LRTM1: variants seen among roughly 807,000 people sequenced by gnomAD.
The protein encoded by LRTM1 is leucine rich repeat transmembrane protein 1.
In LRTM1, 38 loss-of-function variants were observed where a neutral mutation model predicts 32.4. That is an observed-to-expected ratio of 1.17 (90% CI 0.91 to 1.54). LRTM1 has a LOEUF of 1.54. Among genes scored for constraint, LRTM1 ranks in the 40% most tolerant of loss-of-function variants. LRTM1 has a pLI of 0.00. For synonymous variants in LRTM1, 186 were observed against 169.9 expected, an observed-to-expected ratio of 1.09 and a Z score of -0.74; for missense variants, 466 against 415.4, an observed-to-expected ratio of 1.12 and a Z score of -1.06.
chr3:54,929,484 A>C (rs970572518), upstream of LRTM1, among the ~76,000 whole-genome samples: 5 of 152,102 alleles, frequency 3.3e-5, no homozygotes, highest in African/African-American at 1.2e-4. Flanking sequence ...GAAAACATCA[A>C]ATTTTGATTA....
At chr3:54,960,624 A>C (rs1285732605) in intron 1 of LRTM1, among the ~76,000 whole-genome samples, 2 of 152,176 alleles carry the variant, frequency 1.3e-5, no homozygotes, top group African/African-American at 4.8e-5. Context: ...CTTGCCTATA[A>C]TCTTCTAAGA....
At chr3:54,921,919 T>A (rs1053224057) in intron 2 of LRTM1, among the ~76,000 whole-genome samples, 1 of 148,974 alleles carries the variant, frequency 6.7e-6, no homozygotes, top group Non-Finnish European at 1.5e-5. Context: ...TATCTTTTTT[T>A]AAAAGAAGAT....
chr3:54,948,074 A>G (rs996486672), intron 1 of LRTM1, among the ~76,000 whole-genome samples: 1 of 152,160 alleles, frequency 6.6e-6, no homozygotes, highest in Non-Finnish European at 1.5e-5. Flanking sequence ...GGAGATGGTG[A>G]TGTCCAGGTG....
In LRTM1 at chr3:54,944,673, A is replaced by G. The variant is rs1430063617; in HGVS notation, c.-221-19458T>C. Among the ~76,000 whole-genome samples the G allele has an allele frequency of 3.3e-5, 5 of 152,234 alleles. No individual in the cohort carries two copies. The South Asian group carries it at 6.2e-4, about 19-fold the overall frequency. ...CCTGACCTCATGATCCGCCTGCCTC[A>G]GCCTCCCAAAGTGCTGGGATTACAG... On this transcript the variant is annotated intron_variant, in intron 1 of 2. Coordinates refer to the LRTM1 transcript ENST00000493075.
chr3:54,948,207 A>G (rs1701664575), intron 1 of LRTM1, among the ~76,000 whole-genome samples: 1 of 152,224 alleles, frequency 6.6e-6, no homozygotes, highest in Non-Finnish European at 1.5e-5. Flanking sequence ...AGAGTGAGAT[A>G]GGAAACTTTT....
At chr3:54,922,607 C>T (rs1700886175) in intron 2 of LRTM1, among the ~76,000 whole-genome samples, 1 of 152,120 alleles carries the variant, frequency 6.6e-6, no homozygotes, top group African/African-American at 2.4e-5. Flanking sequence ...GTTGTATTCA[C>T]CCTAACCTCA....
chr3:54,966,488 C>G (rs1372338286), intron 1 of LRTM1, among the ~76,000 whole-genome samples: 1 of 152,202 alleles, frequency 6.6e-6, no homozygotes, highest in African/African-American at 2.4e-5. Flanking sequence ...AGCCATCCCC[C>G]ACCTTGGCTG....
In LRTM1 at chr3:54,962,079, A is replaced by G. The variant is rs573894439; in HGVS notation, c.-222+4849T>C. On this transcript the variant is annotated intron_variant, in intron 1 of 2. Coordinates refer to the LRTM1 transcript ENST00000493075. ...CATTAATCCATTAACCCATTAATCT[A>G]TTAATAGATTAATCCATTCATGAGG... Among the ~76,000 whole-genome samples, 51 of 152,266 alleles carry G rather than the reference A, an allele frequency of 3.3e-4. 2 individuals are homozygous for G. In the Middle Eastern group the frequency reaches 0.017, roughly 51 times the overall value.
chr3:54,924,592 G>A (rs1559631496), intron 2 of LRTM1, 27 bp downstream of exon 2: 1 of 1,535,696 alleles, frequency 6.5e-7, no homozygotes, highest in Non-Finnish European at 9.0e-7. Flanking sequence ...ACACACAGAT[G>A]GGGGGTTCCA....
rs1385548183 is a variant in LRTM1 at position 54,922,959 on chromosome 3, C to A, written c.604+1660G>T. Among the ~76,000 whole-genome samples, 8 of 152,182 alleles carry A rather than the reference C, an allele frequency of 5.3e-5. No homozygotes were observed. The East Asian group carries it at 1.5e-3, about 29-fold the overall frequency. On this transcript the variant is annotated intron_variant, in intron 2 of 2. Coordinates refer to ENST00000273286, the MANE Select transcript of LRTM1 (RefSeq NM_020678.4). ...ATCCACTCCAACCCATTAGCAATGT[C>A]TGCCAGTTCAGTATTCCAAGTATCT...
In LRTM1 at chr3:54,927,933, C is replaced by T. The variant is rs1426540111; in HGVS notation, c.-22G>A. The T allele has an allele frequency of 6.2e-7, 1 of 1,613,330 alleles. No individual in the cohort carries two copies. The highest frequency in any genetic ancestry group is 1.7e-5 in the Admixed American group (1 of 60,014). ...TCATGACTGAGTCTCCTTGGGCGTCCTTGCTGACCTCGTAGACCCTTTAAT... is the reference window on the plus strand; with the variant it reads ...TCATGACTGAGTCTCCTTGGGCGTCTTTGCTGACCTCGTAGACCCTTTAAT... On this transcript the variant is annotated 5_prime_UTR_variant, in exon 1 of 3. Coordinates refer to ENST00000273286, the MANE Select transcript of LRTM1 (RefSeq NM_020678.4).
chr3:54,931,060 T>C (rs1212040472), upstream of LRTM1, among the ~76,000 whole-genome samples: 1 of 152,114 alleles, frequency 6.6e-6, no homozygotes, highest in Non-Finnish European at 1.5e-5. Context: ...CGTGCCACTG[T>C]ACTCCAGCCT....
chr3:54,946,633 C>T (rs1387283557), intron 1 of LRTM1, among the ~76,000 whole-genome samples: 1 of 152,094 alleles, frequency 6.6e-6, no homozygotes, highest in Non-Finnish European at 1.5e-5. Context: ...GACAGGAGAG[C>T]CGTCCTTTCA....
chr3:54,941,843 T>A (rs935235786), intron 1 of LRTM1, among the ~76,000 whole-genome samples: 6 of 152,124 alleles, frequency 3.9e-5, no homozygotes, highest in African/African-American at 1.4e-4. Flanking sequence ...ATTGGCCTCC[T>A]CCCTGCCACA....
At chr3:54,943,920 T>C (rs1026933696) in intron 1 of LRTM1, among the ~76,000 whole-genome samples, 6 of 152,206 alleles carry the variant, frequency 3.9e-5, no homozygotes, top group African/African-American at 1.4e-4. Context: ...CATTTTCCAG[T>C]AGTTTACTAA....
intron 1 of LRTM1, among the ~76,000 whole-genome samples, chr3:54,948,409 G>C (rs956928257): frequency 6.6e-6 from 1 of 152,118 alleles, no homozygotes; most frequent in South Asian, 2.1e-4. Flanking sequence ...GCCCTTCATG[G>C]GCATATATGT....
At chr3:54,958,306 C>T (rs1253995175) in intron 1 of LRTM1, among the ~76,000 whole-genome samples, 1 of 152,202 alleles carries the variant, frequency 6.6e-6, no homozygotes, top group Non-Finnish European at 1.5e-5. Flanking sequence ...GGCAGGAGGA[C>T]TGCCTGAGCC....
At chr3:54,923,297 C>G (rs1188839447) in intron 2 of LRTM1, among the ~76,000 whole-genome samples, 1 of 152,116 alleles carries the variant, frequency 6.6e-6, no homozygotes, top group Non-Finnish European at 1.5e-5. Context: ...CTGCACTGGC[C>G]ACTGTCTTGT....
At chr3:54,965,751 G>A (rs1375076629) in intron 1 of LRTM1, among the ~76,000 whole-genome samples, 1 of 152,208 alleles carries the variant, frequency 6.6e-6, no homozygotes, top group Non-Finnish European at 1.5e-5. Context: ...GAAAGGGGAT[G>A]AGGTCAGCTA....
Sources: gnomAD v4.1 joint callset for allele counts (sites outside exome capture counted in the v4.1 genomes callset) on GRCh38, gnomAD v4.1.1 for gene constraint, MANE v1.5 for transcripts, NCBI Gene and HGNC (gene_info 2026-07-23, HGNC 2026-07-21) for gene names.